RBFOX1: variants seen among roughly 807,000 people sequenced by gnomAD.
RBFOX1 encodes RNA binding protein fox-1 homolog 1.
Under a neutral mutation model 57.7 loss-of-function variants are expected in RBFOX1, and 8 were observed. The observed-to-expected ratio is 0.14, with a 90% confidence interval of 0.08 to 0.25. The LOEUF (loss-of-function observed/expected upper bound fraction) is 0.25, where lower values mean the gene tolerates loss of function less well. Ranked by LOEUF, RBFOX1 falls within the 10% of genes least tolerant of loss-of-function variation. The probability of loss-of-function intolerance (pLI) is 1.00; values close to 1 mark genes in which losing one functional copy is unlikely to be tolerated. For synonymous variants in RBFOX1, 326 were observed against 222.4 expected (o/e 1.47, Z -4.15); for missense variants, 611 against 548.5 (o/e 1.11, Z -1.14).
intron 4 of RBFOX1, among the ~76,000 whole-genome samples, chr16:7,290,392 T>G (rs890248861): frequency 3.3e-5 from 5 of 152,208 alleles, no homozygotes; most frequent in African/African-American, 1.2e-4. Context: ...AAGGTAATTT[T>G]TTAACCAGGT....
intron 2 of RBFOX1, among the ~76,000 whole-genome samples, chr16:6,541,693 T>A (rs949688244): frequency 2.0e-5 from 3 of 152,152 alleles, no homozygotes; most frequent in Non-Finnish European, 4.4e-5. Context: ...TCTGGGCAAA[T>A]GCTGTAGGTC....
chr16:6,020,659 C>G (rs765654804), intron 1 of RBFOX1, among the ~76,000 whole-genome samples: 3 of 152,102 alleles, frequency 2.0e-5, no homozygotes, highest in Admixed American at 6.5e-5. Flanking sequence ...GAAGGAAACA[C>G]AGGGGTAGCA....
At chr16:7,675,702 C>T (rs753775207) in intron 13 of RBFOX1, among the ~76,000 whole-genome samples, 1 of 151,416 alleles carries the variant, frequency 6.6e-6, no homozygotes, top group Non-Finnish European at 1.5e-5. Context: ...CCTACCTTTC[C>T]CTCTCATGAT....
chr16:6,057,083 G>GC (rs1485082204), intron 1 of RBFOX1: 2 of 137,396 alleles, frequency 1.5e-5, no homozygotes, highest in Non-Finnish European at 3.3e-5. Context: ...ACAGGAGGGG[G>GC]GGGAATATTG....
intron 1 of RBFOX1, among the ~76,000 whole-genome samples, chr16:5,435,749 A>G (rs2067897581): frequency 6.6e-6 from 1 of 152,236 alleles, no homozygotes; most frequent in South Asian, 2.1e-4. Flanking sequence ...GAGCAATTGC[A>G]TAATTGCTTT....
chr16:6,773,186 GGGCATGGGGTGCATT>G (rs2078685722), intron 3 of RBFOX1, among the ~76,000 whole-genome samples: 2 of 143,084 alleles, frequency 1.4e-5, no homozygotes, highest in African/African-American at 2.6e-5. Flanking sequence ...GTGTGTGTGT[GGGCATGGGGTGCATT>G]TGTGTGTGAG....
chr16:5,355,548 G>A (rs574535784), intron 1 of RBFOX1, among the ~76,000 whole-genome samples: 82 of 152,220 alleles, frequency 5.4e-4, no homozygotes, highest in African/African-American at 1.8e-3. Flanking sequence ...TTCAAAGAGA[G>A]GTTAATGAGA....
chr16:6,411,626 G>A (rs542234693), intron 2 of RBFOX1, among the ~76,000 whole-genome samples: 83 of 152,274 alleles, frequency 5.5e-4, no homozygotes, highest in Non-Finnish European at 9.4e-4. Context: ...AATGGATAGG[G>A]ATGCTATTTA....
intron 2 of RBFOX1, among the ~76,000 whole-genome samples, chr16:6,326,726 T>G (rs2082412706): frequency 6.6e-6 from 1 of 151,806 alleles, no homozygotes; most frequent in East Asian, 2.0e-4. Flanking sequence ...ACCTGAGTCA[T>G]TACACACTAA....
intron 2 of RBFOX1, among the ~76,000 whole-genome samples, chr16:6,350,123 G>A (rs9924075): frequency 0.65 from 98,159 of 151,954 alleles, 33,730 homozygotes; most frequent in African/African-American, 0.9. Context: ...TATTTGTGGC[G>A]TATAGACAAA....
chr16:7,407,119 G>A (rs1171007186), intron 4 of RBFOX1, among the ~76,000 whole-genome samples: 2 of 152,100 alleles, frequency 1.3e-5, no homozygotes, highest in Admixed American at 6.5e-5. Context: ...GGTTACATGA[G>A]TCACCTTTAG....
At chr16:6,706,842 A>G (rs752595132) in intron 3 of RBFOX1, among the ~76,000 whole-genome samples, 1 of 152,040 alleles carries the variant, frequency 6.6e-6, no homozygotes, top group African/African-American at 2.4e-5. Flanking sequence ...AGGTGACCAG[A>G]AGTCATCTGG....
chr16:7,188,190 T>C (rs2084401297), intron 4 of RBFOX1, among the ~76,000 whole-genome samples: 1 of 152,212 alleles, frequency 6.6e-6, no homozygotes, highest in Admixed American at 6.5e-5. Flanking sequence ...ATAAATACGA[T>C]GGAATGAAAC....
chr16:6,814,426 C>A (rs1026627296), intron 3 of RBFOX1, among the ~76,000 whole-genome samples: 1 of 152,140 alleles, frequency 6.6e-6, no homozygotes, highest in Admixed American at 6.6e-5. Context: ...TCAAGCCTGA[C>A]ATTGGGTGGT....
chr16:6,401,959 G>A (rs147578658), intron 2 of RBFOX1, among the ~76,000 whole-genome samples: 154 of 151,960 alleles, frequency 1.0e-3, no homozygotes, highest in African/African-American at 3.6e-3. Flanking sequence ...GATTAAGATC[G>A]TAACTGATCA....
Position 5,693,527 on chromosome 16 carries a change from T to C in RBFOX1, c.318+94566T>C, listed in dbSNP as rs148343052. On this transcript the variant is annotated intron_variant, in intron 3 of 19. Coordinates refer to the RBFOX1 transcript ENST00000641259. ...TGTGGAACAAAAAAGGTTAAAAAAC[T>C]CATTATATGTTGGGGGAAGGAGAAA... Among the ~76,000 whole-genome samples the C allele has an allele frequency of 5.4e-3, 818 of 152,192 alleles. 8 individuals are homozygous for C. Among genetic ancestry groups the C allele is most frequent in the African/African-American group, 0.019 (782 of 41,526 alleles).
chr16:6,969,569 T>C (rs1381337854), intron 3 of RBFOX1, among the ~76,000 whole-genome samples: 1 of 151,218 alleles, frequency 6.6e-6, no homozygotes, highest in East Asian at 1.9e-4. Context: ...ACCTCGTCTC[T>C]ACAAAAAATA....
At chr16:5,911,094 G>T (rs1265798112) in intron 4 of RBFOX1, among the ~76,000 whole-genome samples, 1 of 152,170 alleles carries the variant, frequency 6.6e-6, no homozygotes, top group South Asian at 2.1e-4. Flanking sequence ...TAGGGGAACA[G>T]AAACTAAGGT....
At chr16:6,691,467 A>C (rs1360759989) in intron 3 of RBFOX1, among the ~76,000 whole-genome samples, 10 of 151,506 alleles carry the variant, frequency 6.6e-5, no homozygotes, top group Non-Finnish European at 1.3e-4. Flanking sequence ...CTTTTTCTTT[A>C]TTTTTTTTGT....
Sources: gnomAD v4.1 joint callset for allele counts (sites outside exome capture counted in the v4.1 genomes callset) on GRCh38, gnomAD v4.1.1 for gene constraint, MANE v1.5 for transcripts, NCBI Gene and HGNC (gene_info 2026-07-23, HGNC 2026-07-21) for gene names.